Variants in XPO7 observed in about 807,000 individuals in gnomAD.
The protein encoded by XPO7 is exportin 7.
In XPO7, 21 loss-of-function variants were observed where a neutral mutation model predicts 144.3. That is an observed-to-expected ratio of 0.15 (90% confidence interval 0.10 to 0.21). XPO7 has a LOEUF of 0.21. Among genes scored for constraint, XPO7 ranks in the 10% least tolerant of loss-of-function variants. The pLI is 1.00. For synonymous variants in XPO7, 580 were observed against 499.6 expected (o/e 1.16, Z -2.15); for missense variants, 808 against 1,325.8 (o/e 0.61, Z 6.06).
chr8:21,993,927 C>T (rs1191112528), intron 19 of XPO7, among the ~76,000 whole-genome samples: 1 of 151,162 alleles, frequency 6.6e-6, no homozygotes, highest in African/African-American at 2.4e-5. Flanking sequence ...CTCTCTCTCT[C>T]TCTCTCTCTC....
At chr8:21,971,539 TCTC>T (rs1812063499) in intron 4 of XPO7, among the ~76,000 whole-genome samples, 1 of 152,232 alleles carries the variant, frequency 6.6e-6, no homozygotes, top group Admixed American at 6.5e-5. Context: ...TTTTATGCAT[TCTC>T]TTTATAAAAT....
At chr8:21,986,135 C>CTT (rs573860240) in intron 13 of XPO7, among the ~76,000 whole-genome samples, 63 of 132,234 alleles carry the variant, frequency 4.8e-4, no homozygotes, top group South Asian at 7.4e-4. Context: ...TTTATCAAAA[C>CTT]TTTTTTTTTT....
At chr8:21,935,413 A>G (rs184386609) in intron 1 of XPO7, among the ~76,000 whole-genome samples, 4 of 152,198 alleles carry the variant, frequency 2.6e-5, no homozygotes, top group East Asian at 3.8e-4. Context: ...TAATTTGGAC[A>G]TTTTGCCTAA....
At chr8:21,971,556 T>G (rs1016416496) in intron 4 of XPO7, among the ~76,000 whole-genome samples, 3 of 152,234 alleles carry the variant, frequency 2.0e-5, no homozygotes, top group Middle Eastern at 3.2e-3. Context: ...ATAAAATGTG[T>G]TGTTTACTTG....
Position 21,966,743 on chromosome 8 carries a change from A to C in XPO7, c.19-114A>C, listed in dbSNP as rs926544374. The C allele has an allele frequency of 1.1e-5, 16 of 1,429,784 alleles. No homozygotes were observed. The African/African-American group carries it at 2.3e-4, about 21-fold the overall frequency. The allele number at this position is 1,429,784 out of a possible 1,614,324, so 88.6% of individuals were successfully genotyped here. A position where few individuals can be genotyped will look rare whatever the true frequency, so the allele number is the denominator to read the frequency against. On this transcript the variant is annotated intron_variant, in intron 1 of 27. Transcript: ENST00000252512. ...ATGTTACCCAGGTTCTCCTCAGTTCAGAAGCAATTCTTTCTTTACTGATTA... is the reference window on the plus strand; with the variant it reads ...ATGTTACCCAGGTTCTCCTCAGTTCCGAAGCAATTCTTTCTTTACTGATTA...
rs377622060 is a variant in XPO7, at chr8:21,959,324, G to A, written c.19-7533G>A. ...TTGGTAGCCAGTATAATCAATAATA[G>A]CCAGTAATAATTAGCAGTGTACACA... is the stretch of plus-strand genomic sequence containing the variant. On this transcript the variant is annotated intron_variant, in intron 1 of 27. Transcript: ENST00000252512. 1.2e-4 allele frequency among the ~76,000 whole-genome samples: 19 copies of A among 152,278 alleles called. No individual in the cohort carries two copies. The East Asian group carries it at 3.1e-3, about 25-fold the overall frequency.
chr8:21,959,569 G>A (rs1585441866), intron 1 of XPO7, among the ~76,000 whole-genome samples: 1 of 151,912 alleles, frequency 6.6e-6, no homozygotes, highest in African/African-American at 2.4e-5. Context: ...GTTGTTTGTG[G>A]GTAAAGATCC....
chr8:21,985,603 G>A lies in XPO7; in HGVS notation c.1489G>A (p.Val497Ile). ...AVQEGRLTWL[V>I]YIIGAVIGGR... ...TGCTGCAGGAAGGCTGACATGGCTG[G>A]TTTACATTATTGGAGCAGTGATCGG... Residue 497 changes from valine (V) to isoleucine (I), a missense_variant, in exon 13 of 28, where the codon GTT becomes ATT. By Grantham distance (29) the Val-to-Ile change is conservative (BLOSUM62 3). Coordinates refer to ENST00000252512, the MANE Select transcript of XPO7 (RefSeq NM_015024.5). The A allele has an allele frequency of 6.2e-7, 1 of 1,613,978 alleles. No individual in the cohort carries two copies. The highest frequency in any genetic ancestry group is 8.5e-7 in the Non-Finnish European group (1 of 1,179,898).
chr8:21,984,598 A>G (rs1338740702), intron 11 of XPO7, 48 bp from the exon 12 acceptor site: 33 of 1,515,138 alleles, frequency 2.2e-5, no homozygotes, highest in Non-Finnish European at 2.8e-5. Context: ...TGGGCAAATC[A>G]GTAGTCATAT....
intron 1 of XPO7, among the ~76,000 whole-genome samples, chr8:21,965,623 G>C (rs181148812): frequency 2.6e-5 from 4 of 152,218 alleles, no homozygotes; most frequent in Admixed American, 2.6e-4. Flanking sequence ...ATGATCTTAG[G>C]GCGTCAGTAT....
intron 1 of XPO7, among the ~76,000 whole-genome samples, chr8:21,929,268 A>G (rs1302424362): frequency 6.6e-6 from 1 of 152,252 alleles, no homozygotes; most frequent in African/African-American, 2.4e-5. Flanking sequence ...AGTGGAACAT[A>G]GGTTATAGGA....
intron 1 of XPO7, among the ~76,000 whole-genome samples, chr8:21,953,652 C>G (rs947763847): frequency 2.0e-5 from 3 of 152,168 alleles, no homozygotes; most frequent in Non-Finnish European, 2.9e-5. Flanking sequence ...TCCTGTTGTT[C>G]CACATCTTTG....
In XPO7 at chr8:21,998,765, C is replaced by G. The variant is rs1239528763; in HGVS notation, c.2356C>G (p.Leu786Val). 1 of 1,613,872 alleles carries G rather than the reference C, an allele frequency of 6.2e-7. No homozygotes were observed. Among genetic ancestry groups the G allele is most frequent in the Non-Finnish European group, 8.5e-7 (1 of 1,179,894 alleles). The change falls in exon 22 of 28, where the codon CTC (leucine) becomes GTC (valine). Residue 786 changes from leucine (L) to valine (V), a missense_variant. By Grantham distance (32) the Leu-to-Val change is conservative (BLOSUM62 1). This residue lies in a region of XPO7 where 416 missense variants were observed against 612.5 expected (regional missense o/e 0.68). Transcript: ENST00000252512. Reference protein sequence around the residue: ...AELVHNRSQRLQFDVSSPNGI... With the variant: ...AELVHNRSQRVQFDVSSPNGI... ...GTGCTCTCTGCTCAGGTCCCAGCGA[C>G]TCCAGTTTGATGTCTCTTCCCCCAA...
At chr8:21,943,568 C>A (rs1237563885) in intron 1 of XPO7, among the ~76,000 whole-genome samples, 1 of 152,144 alleles carries the variant, frequency 6.6e-6, no homozygotes, top group Non-Finnish European at 1.5e-5. Flanking sequence ...AAGGGTGAGT[C>A]ATTTTGTTAA....
At chr8:21,976,083 A>G (rs888824302) in intron 6 of XPO7, among the ~76,000 whole-genome samples, 2 of 152,218 alleles carry the variant, frequency 1.3e-5, no homozygotes, top group African/African-American at 2.4e-5. Flanking sequence ...CATTATGTCT[A>G]CATTGTGTGA....
At chr8:21,948,026 T>G (rs894773789) in intron 1 of XPO7, among the ~76,000 whole-genome samples, 1 of 152,200 alleles carries the variant, frequency 6.6e-6, no homozygotes, top group African/African-American at 2.4e-5. Context: ...CAGAGGATTC[T>G]CATTGAAGAG....
rs1039889341 is a variant in XPO7 at position 21,977,623 on chromosome 8, CT to C, written c.764-146del. The C allele has an allele frequency of 1.3e-4, 89 of 691,592 alleles. No individual in the cohort carries two copies. The African/African-American group carries it at 1.5e-3, about 11-fold the overall frequency. 42.8% of individuals were successfully genotyped at this position (691,592 alleles called of 1,614,324 possible). Reference sequence around the variant, plus strand: ...AAGAAAAAGGGAAACCAAAAAGCCCCTATTTGCTTATCACTTCCAAAGGAAA... The same window carrying C: ...AAGAAAAAGGGAAACCAAAAAGCCCCATTTGCTTATCACTTCCAAAGGAAA... On this transcript the variant is annotated intron_variant, in intron 7 of 27. Transcript: ENST00000252512.
At chr8:21,981,605 T>C (rs918435397) in intron 9 of XPO7, 126 bp from the exon 10 acceptor site, 3 of 1,172,594 alleles carry the variant, frequency 2.6e-6, no homozygotes, top group African/African-American at 1.5e-5. Flanking sequence ...TTCTGAATCA[T>C]GACCTGCAGC....
chr8:21,995,357 C>T (rs1017130081), intron 20 of XPO7, 135 bp from the exon 21 acceptor site: 2 of 688,052 alleles, frequency 2.9e-6, no homozygotes, highest in Non-Finnish European at 4.8e-6. Flanking sequence ...AGAAAGACTC[C>T]AAGATTAGCA....
Sources: gnomAD v4.1 joint callset for allele counts (sites outside exome capture counted in the v4.1 genomes callset) on GRCh38, gnomAD v4.1.1 for gene constraint, gnomAD v4.1.1 regional missense constraint, MANE v1.5 for transcripts, NCBI Gene and HGNC (gene_info 2026-07-23, HGNC 2026-07-21) for gene names.